The following EPS15 variants were observed in gnomAD, a reference collection of about 807,000 sequenced individuals.
EPS15 encodes the protein epidermal growth factor receptor substrate 15.
Under a neutral mutation model 113.8 loss-of-function variants are expected in EPS15, and 72 were observed. The observed-to-expected ratio is 0.63, with a 90% confidence interval of 0.52 to 0.77. EPS15 has a LOEUF of 0.77. Among genes scored for constraint, EPS15 ranks in the 30% least tolerant of loss-of-function variants. EPS15 has a pLI of 0.00. For synonymous variants in EPS15, 344 were observed against 363.4 expected (o/e 0.95, Z 0.61); for missense variants, 1,048 against 1,045.8 (o/e 1.00, Z -0.03).
At chr1:51,461,942 G>T (rs1654482750) in intron 7 of EPS15, 1 of 152,254 alleles carries the variant, frequency 6.6e-6, no homozygotes, top group South Asian at 2.1e-4. Context: ...TCTATAAGCT[G>T]GGAATTATGT....
intron 1 of EPS15, chr1:51,518,516 C>T (rs990879543): frequency 6.5e-6 from 1 of 152,770 alleles, no homozygotes; most frequent in South Asian, 2.1e-4. Flanking sequence ...GGGGGTCTGA[C>T]CCAGAAGGAA....
chr1:51,516,771 A>C (rs1167359042), intron 1 of EPS15, among the ~76,000 whole-genome samples: 4 of 152,274 alleles, frequency 2.6e-5, no homozygotes, highest in Non-Finnish European at 5.9e-5. Context: ...GAACAGAAGC[A>C]GAAATTAACT....
intron 23 of EPS15, 30 bp downstream of exon 23, chr1:51,363,836 T>C: frequency 1.9e-6 from 3 of 1,587,872 alleles, no homozygotes; most frequent in Non-Finnish European, 2.6e-6. Context: ...AGCCATGCAG[T>C]TGACTGAAGA....
At chr1:51,408,496 T>C (rs1328926497) in intron 14 of EPS15, among the ~76,000 whole-genome samples, 164 bp from the exon 15 acceptor site, 1 of 152,238 alleles carries the variant, frequency 6.6e-6, no homozygotes, top group African/African-American at 2.4e-5. Context: ...AGAGAGAGTC[T>C]TGCTATGTTG....
intron 13 of EPS15, among the ~76,000 whole-genome samples, chr1:51,413,893 C>A (rs111876348): frequency 0.03 from 4,569 of 152,130 alleles, 74 homozygotes; most frequent in African/African-American, 0.05. Flanking sequence ...AGGCTACAGG[C>A]ATGTGCCACC....
intron 1 of EPS15, among the ~76,000 whole-genome samples, chr1:51,512,206 C>A (rs1278550506): frequency 6.6e-6 from 1 of 152,112 alleles, no homozygotes; most frequent in African/African-American, 2.4e-5. Flanking sequence ...AAATAAGTCA[C>A]CAGTTCATTT....
Position 51,398,950 on chromosome 1 carries a change from T to C in EPS15, c.2052+82A>G. Reference sequence around the variant, plus strand: ...TTAGAAGTAATCTAAATGAGGGTTCTTTCATCACTATGTATTTCAAGAAAC... The same window carrying C: ...TTAGAAGTAATCTAAATGAGGGTTCCTTCATCACTATGTATTTCAAGAAAC... On this transcript the variant is annotated intron_variant, in intron 20 of 24. Transcript: ENST00000371733. 5.7e-6 allele frequency: 7 copies of C among 1,227,242 alleles called. No individual in the cohort carries two copies. In the South Asian group the frequency reaches 9.2e-5, roughly 16 times the overall value. 76.0% of individuals were successfully genotyped at this position (1,227,242 alleles called of 1,614,324 possible). A position where few individuals can be genotyped will look rare whatever the true frequency, so the allele number is the denominator to read the frequency against.
chr1:51,477,097 G>A lies in EPS15; in HGVS notation c.76-4149C>T, dbSNP rs561534736. Among the ~76,000 whole-genome samples the A allele has an allele frequency of 3.3e-5, 5 of 152,170 alleles. No homozygotes were observed. The East Asian group carries it at 7.7e-4, about 24-fold the overall frequency. ...TCCATCTGGTCCTGGACTTTTTTTGGTTGGTAAGCTATTAATTATCGCCTC... is the reference window on the plus strand; with the variant it reads ...TCCATCTGGTCCTGGACTTTTTTTGATTGGTAAGCTATTAATTATCGCCTC... On this transcript the variant is annotated intron_variant, in intron 2 of 24. Coordinates refer to ENST00000371733, the MANE Select transcript of EPS15 (RefSeq NM_001981.3).
Position 51,458,577 on chromosome 1 carries a change from A to T in EPS15, c.561+2514T>A, listed in dbSNP as rs535314705. ...CACGGCGAAACGCTGTCTCTACTAA[A>T]AATATAAAAATTAGCCGGGGGTGGT... On this transcript the variant is annotated intron_variant, in intron 8 of 24. Coordinates refer to ENST00000371733, the MANE Select transcript of EPS15 (RefSeq NM_001981.3). 9.7e-4 allele frequency: 430 copies of T among 441,494 alleles called. 4 individuals carry two copies. Among genetic ancestry groups the T allele is most frequent in the South Asian group, 6.5e-3 (416 of 63,618 alleles). 27.3% of individuals were successfully genotyped at this position (441,494 alleles called of 1,614,324 possible). A position where few individuals can be genotyped will look rare whatever the true frequency, so the allele number is the denominator to read the frequency against.
chr1:51,437,622 A>T (rs1652255977), intron 12 of EPS15, among the ~76,000 whole-genome samples: 1 of 151,378 alleles, frequency 6.6e-6, no homozygotes, highest in South Asian at 2.1e-4. Context: ...AGCTGGAATT[A>T]CAGATGTGTG....
Position 51,406,085 on chromosome 1 carries a change from C to T in EPS15, c.1497G>A (p.Met499Ile). 1 of 1,613,608 alleles carries T rather than the reference C, an allele frequency of 6.2e-7. No homozygotes were observed. The highest frequency in any genetic ancestry group is 8.5e-7 in the Non-Finnish European group (1 of 1,179,856). ...GACTATTATGATTTTCCAAATCTTT[C>T]ATTTCCATCAGTTTCATTTGCATCT... The part of the protein sequence containing the change: ...ISSMQMKLME[M>I]KDLENHNSQL... The change falls in exon 16 of 25, where the codon ATG becomes ATA. Residue 499 changes from methionine (M) to isoleucine (I), a missense_variant. Coordinates refer to ENST00000371733, the MANE Select transcript of EPS15 (RefSeq NM_001981.3).
At chr1:51,473,761 T>A (rs1444731700) in intron 2 of EPS15, among the ~76,000 whole-genome samples, 1 of 152,124 alleles carries the variant, frequency 6.6e-6, no homozygotes, top group Non-Finnish European at 1.5e-5. Context: ...GTTAAAAGAT[T>A]AAGTTTACTG....
At chr1:51,406,130 A>G in intron 15 of EPS15, 22 bp from the exon 16 acceptor site, 1 of 1,598,144 alleles carries the variant, frequency 6.3e-7, no homozygotes, top group Non-Finnish European at 8.6e-7. Flanking sequence ...AAGAAGAAAT[A>G]TAGAACAGAA....
At chr1:51,458,613 T>C (rs1654198183) in intron 8 of EPS15, 1 of 427,330 alleles carries the variant, frequency 2.3e-6, no homozygotes, top group Non-Finnish European at 4.7e-6. Flanking sequence ...GGTGCATGCC[T>C]GTAATCCCAG....
intron 1 of EPS15, among the ~76,000 whole-genome samples, chr1:51,506,599 AT>A (rs1011989454): frequency 5.3e-5 from 8 of 152,166 alleles, no homozygotes; most frequent in African/African-American, 1.9e-4. Context: ...TAAGGAAGAA[AT>A]TAGTCATAAA....
intron 1 of EPS15, among the ~76,000 whole-genome samples, chr1:51,493,528 T>TTAAA (rs200731991): frequency 0.085 from 11,369 of 133,314 alleles, 545 homozygotes; most frequent in Non-Finnish European, 0.095. Context: ...CAGTCTCAAA[T>TTAAA]TAAATAAATA....
At chr1:51,361,120 T>A in intron 24 of EPS15, 51 bp downstream of exon 24, 1 of 1,384,422 alleles carries the variant, frequency 7.2e-7, no homozygotes, top group African/African-American at 1.5e-5. Flanking sequence ...AAATAATCTC[T>A]GAAAACTCTT....
intron 1 of EPS15, among the ~76,000 whole-genome samples, chr1:51,516,118 A>G (rs564268881): frequency 6.6e-6 from 1 of 152,302 alleles, no homozygotes; most frequent in South Asian, 2.1e-4. Context: ...CAGAACACCT[A>G]GTAAAGACAA....
intron 24 of EPS15, among the ~76,000 whole-genome samples, chr1:51,357,932 TTTC>T (rs1646279887): frequency 6.6e-6 from 1 of 151,546 alleles, no homozygotes; most frequent in African/African-American, 2.4e-5. Context: ...AGAGATAGGG[TTTC>T]TTCATGTTGG....
Sources: gnomAD v4.1 joint callset for allele counts (sites outside exome capture counted in the v4.1 genomes callset) on GRCh38, gnomAD v4.1.1 for gene constraint, MANE v1.5 for transcripts, NCBI Gene and HGNC (gene_info 2026-07-23, HGNC 2026-07-21) for gene names.